The following IFT140 variants were observed in gnomAD, a reference collection of about 807,000 sequenced individuals.
The protein encoded by IFT140 is intraflagellar transport protein 140 homolog.
In IFT140, 133 loss-of-function variants were observed where a neutral mutation model predicts 164.6. That is an observed-to-expected ratio of 0.81 (90% CI 0.70 to 0.93). IFT140 has a LOEUF of 0.93. IFT140 is among the 40% of genes least tolerant of loss of function. The probability of loss-of-function intolerance (pLI) is 0.00; values close to 1 mark genes in which losing one functional copy is unlikely to be tolerated. For missense variants in IFT140, 2,045 were observed against 1,972.3 expected, an observed-to-expected ratio of 1.04 and a Z score of -0.70; for synonymous variants, 860 against 817.3, an observed-to-expected ratio of 1.05 and a Z score of -0.89.
intron 3 of IFT140, among the ~76,000 whole-genome samples, chr16:1,605,481 C>G (rs1393217581): frequency 6.6e-6 from 1 of 152,196 alleles, no homozygotes; most frequent in East Asian, 1.9e-4. Context: ...TCTCGGCTCA[C>G]AGCAAGCTCT....
intron 19 of IFT140, chr16:1,555,214 T>C (rs570086760): frequency 1.8e-5 from 13 of 734,952 alleles, no homozygotes; most frequent in African/African-American, 1.6e-4. Flanking sequence ...TCTGTACGTG[T>C]CGTGGGCCAA....
At chr16:1,584,442 GA>G in intron 10 of IFT140, 22 bp from the exon 11 acceptor site, 1 of 1,572,736 alleles carries the variant, frequency 6.4e-7, no homozygotes, top group Non-Finnish European at 8.6e-7. Context: ...GGTTGCAAGA[GA>G]AAGAACCAGA....
At chr16:1,567,785 C>G (rs1039767114) in intron 15 of IFT140, among the ~76,000 whole-genome samples, 2 of 152,348 alleles carry the variant, frequency 1.3e-5, no homozygotes, top group South Asian at 4.1e-4. Flanking sequence ...ATGTGGCTGC[C>G]GCTGGCCCTC....
In IFT140 at chr16:1,551,991, G is replaced by A. The variant is rs2032684640; in HGVS notation, c.2399+5944C>T. On this transcript the variant is annotated intron_variant, in intron 19 of 30. Transcript: ENST00000426508. The surrounding 1 kb of genome is among the most constrained non-coding windows in gnomAD (Gnocchi z 4.0). ...TCCCCCTGCAATGACGGTACCTCCA[G>A]GTCCCCTATGTGTGGAAACTGACCC... 6.6e-6 allele frequency among the ~76,000 whole-genome samples: 1 copy of A among 152,146 alleles called. No individual in the cohort carries two copies. Among genetic ancestry groups the A allele is most frequent in the Non-Finnish European group, 1.5e-5 (1 of 68,028 alleles).
chr16:1,524,508 G>A (rs372557285), intron 24 of IFT140, 44 bp downstream of exon 24: 3 of 1,604,732 alleles, frequency 1.9e-6, no homozygotes, highest in East Asian at 2.2e-5. Flanking sequence ...CTCTCCTCAG[G>A]GGACCTCGAG....
rs760756337 is a variant in IFT140, at chr16:1,520,675, G to C, written c.3587C>G (p.Ala1196Gly). 1 of 1,607,884 alleles carries C rather than the reference G, an allele frequency of 6.2e-7. No homozygotes were observed. Among genetic ancestry groups the C allele is most frequent in the East Asian group, 2.2e-5 (1 of 44,762 alleles). ...GCTGCCCTGGCGCATGCAGCAGTCT[G>C]CTATCTGCTCCAGCAGCTCCCGCCG... ...ESRRELLEQIADCCMRQGSYH... is the reference protein window; with the variant it reads ...ESRRELLEQIGDCCMRQGSYH... The change falls in exon 27 of 31, where the codon GCA becomes GGA. Residue 1196 changes from alanine (A) to glycine (G), a missense_variant. Coordinates refer to ENST00000426508, the MANE Select transcript of IFT140 (RefSeq NM_014714.4).
chr16:1,526,990 G>A (rs373273919), intron 19 of IFT140, 194 bp from the exon 20 acceptor site: 41 of 583,780 alleles, frequency 7.0e-5, no homozygotes, highest in African/African-American at 2.5e-4. Flanking sequence ...CGAGTCCCAC[G>A]GCCTTCCTAA....
intron 4 of IFT140, among the ~76,000 whole-genome samples, chr16:1,596,025 C>T (rs1268029770): frequency 1.3e-5 from 2 of 152,192 alleles, no homozygotes; most frequent in African/African-American, 4.8e-5. Flanking sequence ...CACTGCACTC[C>T]AGCCTGGGTG....
At chr16:1,556,206 C>T (rs146945785) in intron 19 of IFT140, among the ~76,000 whole-genome samples, 1 of 152,376 alleles carries the variant, frequency 6.6e-6, no homozygotes, top group East Asian at 1.9e-4. Flanking sequence ...CCAAACAACC[C>T]CGTGTCCTAA....
intron 30 of IFT140, chr16:1,517,968 G>A: frequency 2.9e-6 from 1 of 343,968 alleles, no homozygotes; most frequent in East Asian, 6.5e-5. Flanking sequence ...CTCCCAAGCA[G>A]CTGGGACCCC....
intron 6 of IFT140, among the ~76,000 whole-genome samples, chr16:1,590,579 G>A (rs1357023644): frequency 6.6e-6 from 1 of 152,032 alleles, no homozygotes; most frequent in African/African-American, 2.4e-5. Context: ...ACCCAGCCTG[G>A]AATCCCCCTC....
chr16:1,579,773 T>G (rs2141731062), intron 13 of IFT140, among the ~76,000 whole-genome samples: 1 of 152,262 alleles, frequency 6.6e-6, no homozygotes, highest in East Asian at 1.9e-4. Flanking sequence ...GAGATCAGCC[T>G]GGCCAACATG....
At chr16:1,511,482 G>A (rs1366088594) in intron 30 of IFT140, among the ~76,000 whole-genome samples, 3 of 152,236 alleles carry the variant, frequency 2.0e-5, no homozygotes, top group Non-Finnish European at 4.4e-5. Context: ...AGAGCCTCCT[G>A]GGGAGGCAGA....
intron 13 of IFT140, chr16:1,577,278 G>A (rs1323654967): frequency 6.6e-6 from 1 of 152,164 alleles, no homozygotes; most frequent in East Asian, 1.9e-4. Flanking sequence ...TAGACTTAGG[G>A]TATCGATAAA....
chr16:1,511,228 C>T, intron 30 of IFT140, 78 bp from the exon 31 acceptor site: 1 of 1,396,730 alleles, frequency 7.2e-7, no homozygotes, highest in East Asian at 2.5e-5. Flanking sequence ...CAGGCACGTG[C>T]TGCTGCCCCT....
chr16:1,516,653 C>G (rs565280756), intron 30 of IFT140, among the ~76,000 whole-genome samples: 1 of 151,554 alleles, frequency 6.6e-6, no homozygotes, highest in South Asian at 2.1e-4. Flanking sequence ...GCCTGTAGTC[C>G]CAGCTACTCG....
chr16:1,532,684 C>T (rs2030631592), intron 19 of IFT140: 1 of 152,320 alleles, frequency 6.6e-6, no homozygotes, highest in African/African-American at 2.4e-5. Flanking sequence ...GGGACACCTG[C>T]ATTCACGAAG....
At position 1,588,056 on chromosome 16, in the gene IFT140, G is replaced by A. The variant is rs762903120; in HGVS notation, c.811-32C>T. The A allele has an allele frequency of 1.7e-5, 27 of 1,597,556 alleles. No individual in the cohort carries two copies. The Admixed American group carries it at 1.9e-4, about 11-fold the overall frequency. ...GAGGAAACAACCGAGCAGAGGCACC[G>A]TGCTTGCTGAGACGGCCTGTCCCGG... On this transcript the variant is annotated intron_variant, in intron 7 of 30. Transcript: ENST00000426508.
chr16:1,596,959 C>G (rs756944079), intron 4 of IFT140, among the ~76,000 whole-genome samples: 15 of 152,264 alleles, frequency 9.9e-5, no homozygotes, highest in African/African-American at 1.4e-4. Context: ...AAAGCTACCC[C>G]AAAGGTGAGA....
Sources: gnomAD v4.1 joint callset for allele counts (sites outside exome capture counted in the v4.1 genomes callset) on GRCh38, gnomAD v4.1.1 for gene constraint, Gnocchi (gnomAD v3.1) non-coding constraint, MANE v1.5 for transcripts, NCBI Gene and HGNC (gene_info 2026-07-23, HGNC 2026-07-21) for gene names.